FLNB: variants seen among roughly 807,000 people sequenced by gnomAD.
FLNB encodes filamin B, also known as filamin-B.
FLNB carries 111 observed loss-of-function variants against 250.6 expected under a neutral mutation model. The observed-to-expected ratio is 0.44, with a 90% CI of 0.38 to 0.52. The LOEUF is 0.52. Among genes scored for constraint, FLNB ranks in the 20% least tolerant of loss-of-function variants. The pLI, the probability that FLNB is intolerant of heterozygous loss-of-function variation, is 0.00. For synonymous variants in FLNB, 1,302 were observed against 1,372.1 expected (o/e 0.95, Z 1.13); for missense variants, 2,869 against 3,447.8 (o/e 0.83, Z 4.20).
In FLNB at chr3:58,123,090, T is replaced by G. The variant is rs1451268416; in HGVS notation, c.3127-3T>G. 1 of 1,613,640 alleles carries G rather than the reference T, an allele frequency of 6.2e-7. No homozygotes were observed. The highest frequency in any genetic ancestry group is 8.5e-7 in the Non-Finnish European group (1 of 1,179,702). ...AGTTTGACTTTATTCTTTGCTCAAA[T>G]AGGTGAAGGCCCACGGTCCCGGCCT... On this transcript the variant is annotated splice_region_variant and splice_polypyrimidine_tract_variant and intron_variant, in intron 20 of 45. Transcript: ENST00000295956.
At position 58,081,691 on chromosome 3, in the gene FLNB, G is replaced by C; in HGVS notation, c.702G>C (p.Leu234=). 1 of 1,614,078 alleles carries C rather than the reference G, an allele frequency of 6.2e-7. No homozygotes were observed. The highest frequency in any genetic ancestry group is 8.5e-7 in the Non-Finnish European group (1 of 1,179,992). ...ACGAGCACTCAGTTATGACTTACCT[G>C]TCCCAGTTCCCCAAAGCCAAGCTCA... The part of the protein sequence containing the change: ...DVDEHSVMTY[L]SQFPKAKLKP... The change falls in exon 4 of 46, where the codon CTG becomes CTC. Residue 234 remains leucine (L), a synonymous_variant. Coordinates refer to ENST00000295956, the MANE Select transcript of FLNB (RefSeq NM_001457.4).
Position 58,123,442 on chromosome 3 carries a change from C to A in FLNB, c.3476C>A (p.Ser1159Ter). 1 of 1,610,974 alleles carries A rather than the reference C, an allele frequency of 6.2e-7. No homozygotes were observed. Among genetic ancestry groups the A allele is most frequent in the Non-Finnish European group, 8.5e-7 (1 of 1,177,710 alleles). The change falls in exon 21 of 46, where the codon TCG (serine) becomes TAG (stop). Residue 1159 changes from serine to a stop codon, truncating the protein, a stop_gained. Transcript: ENST00000295956. LOFTEE classifies it high-confidence loss of function. The stretch of plus-strand genomic sequence containing the variant: ...GCTGGCCTCCTTAGCGTCGACTGCT[C>A]GGAAGCGGGACCGGGGGCCCTGGGC... ...GEAGLLSVDCSEAGPGALGLE... is the reference protein window; with the variant it reads ...GEAGLLSVDC
chr3:58,140,727 G>A (rs2097325475), intron 29 of FLNB, among the ~76,000 whole-genome samples: 1 of 152,048 alleles, frequency 6.6e-6, no homozygotes, highest in Admixed American at 6.6e-5. Flanking sequence ...TCCTGCCTCA[G>A]CCTCCCGAGT....
At chr3:58,064,995 G>A (rs140094031) in intron 1 of FLNB, among the ~76,000 whole-genome samples, 1,925 of 152,226 alleles carry the variant, frequency 0.013, 33 homozygotes, top group Middle Eastern at 0.051. Context: ...AGCTGTGATC[G>A]TGCCACTGCA....
At chr3:58,060,441 C>T (rs530005674) in intron 1 of FLNB, among the ~76,000 whole-genome samples, 1 of 151,410 alleles carries the variant, frequency 6.6e-6, no homozygotes, top group East Asian at 2.0e-4. Context: ...GCAACCTTCA[C>T]CCCCAGGTTC....
In FLNB at chr3:58,097,951, C is replaced by T. The variant is rs2097241982; in HGVS notation, c.1121C>T (p.Pro374Leu). Reference sequence around the variant, plus strand: ...GCTGTAGGGAACATCGCCAATAAGCCCACCTACTTTGACATCTATACGGCA... The same window carrying T: ...GCTGTAGGGAACATCGCCAATAAGCTCACCTACTTTGACATCTATACGGCA... ...LEAVGNIANK[P>L]TYFDIYTAGA... The change falls in exon 7 of 46, where the codon CCC becomes CTC. Residue 374 changes from proline (P) to leucine (L), a missense_variant. Physicochemically the swap from Pro to Leu is moderately conservative, Grantham distance 98 (BLOSUM62 -3). Transcript: ENST00000295956. 4 of 1,613,912 alleles carry T rather than the reference C, an allele frequency of 2.5e-6. No individual in the cohort carries two copies. Among genetic ancestry groups the T allele is most frequent in the Non-Finnish European group, 3.4e-6 (4 of 1,179,976 alleles).
rs1175818773 is a variant in FLNB at position 58,077,279 on chromosome 3, G to A, written c.526G>A (p.Asp176Asn). Reference protein sequence around the residue: ...QDGKALGALVDSCAPGLCPDW... With the variant: ...QDGKALGALVNSCAPGLCPDW... ...CGGCAAAGCCCTGGGAGCCCTGGTA[G>A]ACAGCTGTGCTCCAGGTAAGTGGCC... Residue 176 changes from aspartate (D) to asparagine (N), a missense_variant, in exon 2 of 46, where the codon GAC (aspartate) becomes AAC (asparagine). Physicochemically the swap from Asp to Asn is conservative, Grantham distance 23 (BLOSUM62 1). Around this residue, in one of 5 missense-constraint regions of FLNB, gnomAD observed 308 missense variants for 466.1 expected, o/e 0.66. Coordinates refer to ENST00000295956, the MANE Select transcript of FLNB (RefSeq NM_001457.4). 1.2e-6 allele frequency: 2 copies of A among 1,613,982 alleles called. No homozygotes were observed. Among genetic ancestry groups the A allele is most frequent in the African/African-American group, 2.7e-5 (2 of 74,952 alleles).
intron 1 of FLNB, among the ~76,000 whole-genome samples, chr3:58,037,569 T>C (rs1322010956): frequency 6.6e-6 from 1 of 152,188 alleles, no homozygotes; most frequent in East Asian, 1.9e-4. Flanking sequence ...CGTGAAGTCC[T>C]CTCGAAAGCC....
chr3:58,029,206 C>G (rs1199207964), intron 1 of FLNB, among the ~76,000 whole-genome samples: 1 of 152,132 alleles, frequency 6.6e-6, no homozygotes, highest in African/African-American at 2.4e-5. Flanking sequence ...TTTAGGTTCT[C>G]TTGGAGTCTG....
chr3:58,103,851 G>T, intron 9 of FLNB, 108 bp from the exon 10 acceptor site: 1 of 1,373,670 alleles, frequency 7.3e-7, no homozygotes, highest in Non-Finnish European at 1.0e-6. Context: ...TGGTTTTTAT[G>T]TATGGTTTAT....
intron 25 of FLNB, chr3:58,132,494 T>C: frequency 2.1e-6 from 1 of 467,118 alleles, no homozygotes; most frequent in Non-Finnish European, 3.9e-6. Flanking sequence ...TTATATTGTG[T>C]CTTCAACACA....
chr3:58,143,970 A>C (rs1324435685), intron 32 of FLNB, among the ~76,000 whole-genome samples: 1 of 152,162 alleles, frequency 6.6e-6, no homozygotes, highest in Admixed American at 6.5e-5. Flanking sequence ...GCTTGGGGCC[A>C]GGTCAGAGGT....
At chr3:58,018,907 G>A (rs906697893) in intron 1 of FLNB, among the ~76,000 whole-genome samples, 2 of 145,932 alleles carry the variant, frequency 1.4e-5, no homozygotes, top group African/African-American at 5.1e-5. Flanking sequence ...GCCGGTGCTG[G>A]AGGATCTATT....
intron 1 of FLNB, among the ~76,000 whole-genome samples, chr3:58,062,878 C>T (rs1337243286): frequency 2.0e-5 from 3 of 152,174 alleles, no homozygotes; most frequent in Non-Finnish European, 4.4e-5. Flanking sequence ...ACAATGCCAA[C>T]GGGGAGGCAC....
In FLNB at chr3:58,169,546, T is replaced by G; in HGVS notation, c.7418-44T>G. 3.3e-6 allele frequency: 5 copies of G among 1,519,314 alleles called. No individual in the cohort carries two copies. The highest frequency in any genetic ancestry group is 4.6e-6 in the Non-Finnish European group (5 of 1,093,532). The allele number at this position is 1,519,314 out of a possible 1,614,324, so 94.1% of individuals were successfully genotyped here. ...TGTCCTCTGGCTGAGAGACCCCTCT[T>G]GATCTGGCCATTCATGCCTGTCCCC... is the stretch of plus-strand genomic sequence containing the variant. On this transcript the variant is annotated intron_variant, in intron 44 of 45. Transcript: ENST00000295956. The surrounding 1 kb of genome is among the most constrained non-coding windows in gnomAD (Gnocchi z 4.8).
chr3:58,020,982 G>A (rs2097113186), intron 1 of FLNB, among the ~76,000 whole-genome samples: 1 of 152,090 alleles, frequency 6.6e-6, no homozygotes, highest in African/African-American at 2.4e-5. Flanking sequence ...GCCGGGGCAG[G>A]AAAGGTTTCT....
chr3:58,162,100 G>A (rs559416029), intron 42 of FLNB, among the ~76,000 whole-genome samples: 2 of 152,308 alleles, frequency 1.3e-5, no homozygotes, highest in East Asian at 1.9e-4. Flanking sequence ...TAAGGGAGGC[G>A]GATGGGGACT....
Position 58,112,478 on chromosome 3 carries a change from A to C in FLNB, c.2745+160A>C, listed in dbSNP as rs1212062221. On this transcript the variant is annotated intron_variant, in intron 18 of 45. Coordinates refer to ENST00000295956, the MANE Select transcript of FLNB (RefSeq NM_001457.4). ...TGGCACTTTGAACCCCTCTGGGAGC[A>C]CCTATAGGAAGCCCAATGGGTTCTA... is the stretch of plus-strand genomic sequence containing the variant. Among the ~76,000 whole-genome samples the C allele has an allele frequency of 2.0e-5, 3 of 152,194 alleles. No homozygotes were observed. In the East Asian group the frequency reaches 5.8e-4, roughly 29 times the overall value.
chr3:58,076,323 CACAT>C (rs995158445), intron 1 of FLNB, among the ~76,000 whole-genome samples: 9 of 151,846 alleles, frequency 5.9e-5, no homozygotes, highest in Admixed American at 2.6e-4. Flanking sequence ...GCAGCAAACA[CACAT>C]GCATGTATAC....
Sources: gnomAD v4.1 joint callset for allele counts (sites outside exome capture counted in the v4.1 genomes callset) on GRCh38, gnomAD v4.1.1 for gene constraint, gnomAD v4.1.1 regional missense constraint, Gnocchi (gnomAD v3.1) non-coding constraint, MANE v1.5 for transcripts, NCBI Gene and HGNC (gene_info 2026-07-23, HGNC 2026-07-21) for gene names.